Variants in CADPS2 observed in about 807,000 individuals in gnomAD.
CADPS2 encodes calcium dependent secretion activator 2.
CADPS2 carries 93 observed loss-of-function variants against 172.5 expected under a neutral mutation model. The ratio of observed to expected loss-of-function variants is 0.54; its 90% confidence interval spans 0.46 to 0.64. CADPS2 has a LOEUF of 0.64. Among genes scored for constraint, CADPS2 ranks in the 30% least tolerant of loss-of-function variants. The pLI is 0.00. For missense variants in CADPS2, 1,420 were observed against 1,565.9 expected, an observed-to-expected ratio of 0.91 and a Z score of 1.57; for synonymous variants, 546 against 555.2, an observed-to-expected ratio of 0.98 and a Z score of 0.23.
At chr7:122,797,555 A>G (rs1005272164) in intron 1 of CADPS2, among the ~76,000 whole-genome samples, 1 of 152,204 alleles carries the variant, frequency 6.6e-6, no homozygotes, top group Admixed American at 6.5e-5. Flanking sequence ...AGAGACATAG[A>G]TGGAGCTGGA....
chr7:122,760,308 G>T (rs2093334568), intron 1 of CADPS2, among the ~76,000 whole-genome samples: 1 of 151,612 alleles, frequency 6.6e-6, no homozygotes, highest in Non-Finnish European at 1.5e-5. Context: ...TGTATATTTA[G>T]GTAATTATTT....
intron 28 of CADPS2, among the ~76,000 whole-genome samples, chr7:122,332,985 T>C (rs1380021289): frequency 6.6e-6 from 1 of 152,220 alleles, no homozygotes; most frequent in Non-Finnish European, 1.5e-5. Flanking sequence ...AGACAATCAG[T>C]TGTTCTGCCC....
intron 1 of CADPS2, among the ~76,000 whole-genome samples, chr7:122,811,172 G>A (rs1223093494): frequency 1.3e-5 from 2 of 152,174 alleles, no homozygotes; most frequent in Non-Finnish European, 2.9e-5. Context: ...CAGGCAATGT[G>A]CTACCCATAT....
At chr7:122,654,057 A>C (rs899444094) in intron 3 of CADPS2, among the ~76,000 whole-genome samples, 51 of 152,212 alleles carry the variant, frequency 3.4e-4, no homozygotes, top group Non-Finnish European at 1.5e-5. Flanking sequence ...TGTCATAAGA[A>C]GAGACGGGTC....
chr7:122,339,105 A>G (rs558219946), intron 28 of CADPS2: 1 of 152,156 alleles, frequency 6.6e-6, no homozygotes, highest in Non-Finnish European at 1.5e-5. Flanking sequence ...AAGACATGCA[A>G]GAAGGCAAAG....
At chr7:122,639,583 C>A (rs571181072) in intron 3 of CADPS2, among the ~76,000 whole-genome samples, 3 of 152,236 alleles carry the variant, frequency 2.0e-5, no homozygotes, top group South Asian at 2.1e-4. Context: ...CATGAATAAC[C>A]ACCATAAAGA....
In CADPS2 at chr7:122,361,248, A is replaced by ATTTT. The variant is rs1181719835; in HGVS notation, c.3388-236_3388-235insAAAA. On this transcript the variant is annotated intron_variant, in intron 25 of 29. Transcript: ENST00000449022. ...ACTTTTTTTTTTTTTTTTTTTTTTA[A>ATTTT]AATGAGATGGAGGCTTGCTCTGTCA... Among the ~76,000 whole-genome samples the ATTTT allele has an allele frequency of 6.7e-3, 739 of 111,042 alleles. 29 individuals are homozygous for ATTTT. Among genetic ancestry groups the ATTTT allele is most frequent in the Non-Finnish European group, 8.9e-3 (497 of 55,870 alleles). The allele number at this position is 111,042 out of a possible 152,430, so 72.8% of individuals were successfully genotyped here.
intron 9 of CADPS2, among the ~76,000 whole-genome samples, chr7:122,512,837 C>T (rs769665451): frequency 2.6e-5 from 4 of 152,042 alleles, no homozygotes; most frequent in East Asian, 1.9e-4. Context: ...AGAGGGTCTA[C>T]GAGGTCAAAA....
intron 2 of CADPS2, among the ~76,000 whole-genome samples, chr7:122,707,643 T>C (rs184129634): frequency 5.4e-4 from 82 of 151,990 alleles, no homozygotes; most frequent in Middle Eastern, 6.8e-3. Flanking sequence ...ATGTATGTTT[T>C]TTTTGCAAGA....
At chr7:122,674,507 T>C (rs2082202910) in intron 2 of CADPS2, among the ~76,000 whole-genome samples, 1 of 152,230 alleles carries the variant, frequency 6.6e-6, no homozygotes, top group South Asian at 2.1e-4. Context: ...AAGAAGTCAC[T>C]GAATATCTTA....
intron 8 of CADPS2, among the ~76,000 whole-genome samples, chr7:122,540,185 T>C (rs1586996814): frequency 6.6e-6 from 1 of 152,244 alleles, no homozygotes; most frequent in East Asian, 1.9e-4. Context: ...TATGACATTA[T>C]ACTCATGTTG....
At chr7:122,878,663 T>A (rs1011017922) in intron 1 of CADPS2, among the ~76,000 whole-genome samples, 1 of 150,266 alleles carries the variant, frequency 6.7e-6, no homozygotes, top group Non-Finnish European at 1.5e-5. Flanking sequence ...AATAAATAAA[T>A]AAATAAATAA....
intron 3 of CADPS2, among the ~76,000 whole-genome samples, chr7:122,652,825 T>C (rs987503838): frequency 6.6e-6 from 1 of 152,232 alleles, no homozygotes; most frequent in Non-Finnish European, 1.5e-5. Context: ...TTATGTTTTC[T>C]TGATAACAAT....
chr7:122,538,258 A>G (rs943887316), intron 8 of CADPS2, among the ~76,000 whole-genome samples: 1 of 151,668 alleles, frequency 6.6e-6, no homozygotes, highest in Non-Finnish European at 1.5e-5. Flanking sequence ...ACTTCAGAAC[A>G]GTGAAGAAAA....
rs150197608 is a variant in CADPS2, at chr7:122,345,514, A to G, written c.3612+60T>C. ...CTTTGCAAACATACCATCAAAATTC[A>G]ACTTTTCTCTTTGCAGTTTATCTAT... On this transcript the variant is annotated intron_variant, in intron 28 of 29. Transcript: ENST00000449022. 1.1e-3 allele frequency: 1,064 copies of G among 1,008,786 alleles called. 11 individuals carry two copies. The African/African-American group carries it at 0.015, about 14-fold the overall frequency. The allele number at this position is 1,008,786 out of a possible 1,614,324, so 62.5% of individuals were successfully genotyped here. A position where few individuals can be genotyped will look rare whatever the true frequency, so the allele number is the denominator to read the frequency against.
At chr7:122,496,130 T>C (rs1416621608) in intron 9 of CADPS2, among the ~76,000 whole-genome samples, 1 of 152,192 alleles carries the variant, frequency 6.6e-6, no homozygotes, top group Admixed American at 6.5e-5. Flanking sequence ...GCCATCTTTC[T>C]TATCTCTTCA....
chr7:122,523,037 A>C (rs1409661252), intron 8 of CADPS2, among the ~76,000 whole-genome samples: 1 of 152,208 alleles, frequency 6.6e-6, no homozygotes, highest in Non-Finnish European at 1.5e-5. Flanking sequence ...ACATGGAGGT[A>C]CAGGTATCTC....
intron 8 of CADPS2, among the ~76,000 whole-genome samples, chr7:122,528,569 G>A (rs1228104364): frequency 2.6e-5 from 4 of 152,024 alleles, no homozygotes; most frequent in African/African-American, 9.7e-5. Context: ...AAGAATCCAT[G>A]GGCAGTAAGG....
intron 1 of CADPS2, among the ~76,000 whole-genome samples, chr7:122,799,444 A>C (rs1329441197): frequency 6.6e-6 from 1 of 151,950 alleles, no homozygotes; most frequent in Non-Finnish European, 1.5e-5. Flanking sequence ...CTAAAAATAC[A>C]AAAACAAAAT....
Sources: allele counts gnomAD v4.1 joint callset (sites outside exome capture counted in the v4.1 genomes callset), GRCh38; gene constraint gnomAD v4.1.1; transcripts MANE v1.5; gene names NCBI Gene and HGNC (gene_info 2026-07-23, HGNC 2026-07-21).